Variants in CDH12 observed in about 807,000 individuals in gnomAD.
CDH12 encodes the protein cadherin-12.
Under a neutral mutation model 74.1 loss-of-function variants are expected in CDH12, and 41 were observed. The observed-to-expected ratio is 0.55, with a 90% CI of 0.43 to 0.72. The LOEUF is 0.72. CDH12 is among the 30% of genes least tolerant of loss of function. CDH12 has a pLI of 0.00. For synonymous variants in CDH12, 399 were observed against 355.0 expected (o/e 1.12, Z -1.39); for missense variants, 945 against 977.2 (o/e 0.97, Z 0.44).
intron 4 of CDH12, among the ~76,000 whole-genome samples, chr5:22,083,124 C>T (rs1413404874): frequency 6.6e-6 from 1 of 152,254 alleles, no homozygotes; most frequent in Non-Finnish European, 1.5e-5. Context: ...TTGCAGAATG[C>T]AGAGCTTTTA....
chr5:21,777,880 AC>A (rs2149891724), intron 11 of CDH12, among the ~76,000 whole-genome samples: 1 of 152,330 alleles, frequency 6.6e-6, no homozygotes, highest in East Asian at 1.9e-4. Context: ...AAGTATATAT[AC>A]ATTGTAGAAT....
chr5:22,710,499 G>A (rs1185310728), intron 1 of CDH12, among the ~76,000 whole-genome samples: 4 of 152,090 alleles, frequency 2.6e-5, no homozygotes, highest in African/African-American at 7.2e-5. Flanking sequence ...TCTACCATGT[G>A]CAAATGAGTT....
intron 6 of CDH12, among the ~76,000 whole-genome samples, chr5:21,895,727 G>A (rs1218950765): frequency 1.3e-5 from 2 of 152,118 alleles, no homozygotes; most frequent in Non-Finnish European, 2.9e-5. Flanking sequence ...TACCATTCTG[G>A]AGAGAATCTA....
chr5:21,969,500 G>A (rs1434327264), intron 6 of CDH12, among the ~76,000 whole-genome samples: 1 of 151,928 alleles, frequency 6.6e-6, no homozygotes, highest in Admixed American at 6.6e-5. Flanking sequence ...TCTCTTTTGG[G>A]TAGTTCATTC....
intron 2 of CDH12, among the ~76,000 whole-genome samples, chr5:22,472,616 T>C (rs188269852): frequency 6.6e-6 from 1 of 152,200 alleles, no homozygotes; most frequent in East Asian, 1.9e-4. Context: ...GGCTTCTATG[T>C]TTTTTCTCTC....
At chr5:21,915,094 T>C (rs1331297284) in intron 6 of CDH12, among the ~76,000 whole-genome samples, 1 of 152,126 alleles carries the variant, frequency 6.6e-6, no homozygotes, top group Non-Finnish European at 1.5e-5. Context: ...TGAAAAGTTA[T>C]TGTTTTTCCT....
chr5:22,356,100 A>T (rs10071288), intron 3 of CDH12, among the ~76,000 whole-genome samples: 41,080 of 151,848 alleles, frequency 0.27, 5,596 homozygotes, highest in East Asian at 0.34. Flanking sequence ...AAATGCAGAA[A>T]CATTCCTGCC....
chr5:22,300,966 A>T (rs1019118421), intron 3 of CDH12, among the ~76,000 whole-genome samples: 1 of 152,212 alleles, frequency 6.6e-6, no homozygotes, highest in Non-Finnish European at 1.5e-5. Flanking sequence ...TATAAAATGG[A>T]TTAATATTTT....
chr5:22,713,498 A>C (rs1297213698), intron 1 of CDH12, among the ~76,000 whole-genome samples: 1 of 152,094 alleles, frequency 6.6e-6, no homozygotes, highest in Non-Finnish European at 1.5e-5. Context: ...TAAAATAAGG[A>C]CAGTAATATT....
At chr5:22,274,598 T>G (rs1385087029) in intron 3 of CDH12, among the ~76,000 whole-genome samples, 1 of 152,070 alleles carries the variant, frequency 6.6e-6, no homozygotes, top group African/African-American at 2.4e-5. Context: ...TTTCAGTAAC[T>G]CAGGCACATA....
chr5:21,950,989 G>C (rs184593923), intron 6 of CDH12, among the ~76,000 whole-genome samples: 1 of 151,278 alleles, frequency 6.6e-6, no homozygotes, highest in African/African-American at 2.4e-5. Flanking sequence ...GGGTTTCACC[G>C]TGTTAGCTAG....
intron 13 of CDH12, among the ~76,000 whole-genome samples, chr5:21,759,548 A>G (rs1744596865): frequency 6.6e-6 from 1 of 152,144 alleles, no homozygotes; most frequent in Admixed American, 6.5e-5. Flanking sequence ...AATAAAAAAT[A>G]TTATGAGGTT....
chr5:22,687,551 G>T (rs1741875548), intron 1 of CDH12, among the ~76,000 whole-genome samples: 1 of 151,990 alleles, frequency 6.6e-6, no homozygotes, highest in South Asian at 2.1e-4. Context: ...GGGACTACAG[G>T]CACAAGCCAC....
chr5:22,671,039 A>G (rs1201297705), intron 1 of CDH12, among the ~76,000 whole-genome samples: 1 of 152,002 alleles, frequency 6.6e-6, no homozygotes, highest in Non-Finnish European at 1.5e-5. Flanking sequence ...ATATATATAT[A>G]TATAATGACA....
intron 3 of CDH12, among the ~76,000 whole-genome samples, chr5:22,295,433 CA>C (rs1737577979): frequency 6.6e-6 from 1 of 152,068 alleles, no homozygotes. Flanking sequence ...ATTGCTATAA[CA>C]TTTTTTGGAA....
At chr5:22,463,589 G>A (rs1438574021) in intron 2 of CDH12, among the ~76,000 whole-genome samples, 1 of 152,048 alleles carries the variant, frequency 6.6e-6, no homozygotes, top group East Asian at 1.9e-4. Context: ...AAAATTAAAT[G>A]AGGTATAAAG....
intron 11 of CDH12, chr5:21,779,498 T>C (rs1745789930): frequency 6.6e-6 from 1 of 152,218 alleles, no homozygotes; most frequent in Non-Finnish European, 1.5e-5. Context: ...TCAAGGTTAA[T>C]ATAATAAAAA....
chr5:22,728,709 C>A (rs944892662), intron 1 of CDH12, among the ~76,000 whole-genome samples: 4 of 151,788 alleles, frequency 2.6e-5, no homozygotes, highest in Non-Finnish European at 5.9e-5. Flanking sequence ...AGGAGTCAGC[C>A]TCCTAATTTG....
intron 2 of CDH12, among the ~76,000 whole-genome samples, chr5:22,437,400 C>G (rs1285609552): frequency 6.6e-6 from 1 of 151,584 alleles, no homozygotes; most frequent in African/African-American, 2.4e-5. Flanking sequence ...TCTAATATTA[C>G]TTAATACAAA....
Sources: allele counts gnomAD v4.1 joint callset (sites outside exome capture counted in the v4.1 genomes callset), GRCh38; gene constraint gnomAD v4.1.1; transcripts MANE v1.5; gene names NCBI Gene and HGNC (gene_info 2026-07-23, HGNC 2026-07-21).